The following CTNNA2 variants were observed in gnomAD, a reference collection of about 807,000 sequenced individuals.
The protein encoded by CTNNA2 is catenin alpha-2.
CTNNA2 carries 42 observed loss-of-function variants against 101.0 expected under a neutral mutation model. That is an observed-to-expected ratio of 0.42 (90% confidence interval 0.32 to 0.54). The LOEUF is 0.54. Ranked by LOEUF, CTNNA2 falls within the 20% of genes least tolerant of loss-of-function variation. The probability of loss-of-function intolerance (pLI) is 0.14; values close to 1 mark genes in which losing one functional copy is unlikely to be tolerated. For missense variants in CTNNA2, 871 were observed against 1,223.1 expected (o/e 0.71, Z 4.29); for synonymous variants, 450 against 456.4 (o/e 0.99, Z 0.18).
chr2:79,303,467 T>A (rs942777871), intron 2 of CTNNA2, among the ~76,000 whole-genome samples: 2 of 152,128 alleles, frequency 1.3e-5, no homozygotes, highest in Admixed American at 1.3e-4. Context: ...TGGTCATGTA[T>A]ATTTACAAGC....
chr2:79,646,899 G>A (rs1160980749), intron 1 of CTNNA2, among the ~76,000 whole-genome samples: 1 of 152,130 alleles, frequency 6.6e-6, no homozygotes, highest in Non-Finnish European at 1.5e-5. Context: ...TTGTAACATT[G>A]TGCTGTATGG....
At chr2:79,942,395 T>C (rs1266080723) in intron 7 of CTNNA2, among the ~76,000 whole-genome samples, 1 of 152,202 alleles carries the variant, frequency 6.6e-6, no homozygotes, top group Non-Finnish European at 1.5e-5. Context: ...CTCTTGGTGA[T>C]ATTTTAGATT....
intron 1 of CTNNA2, among the ~76,000 whole-genome samples, chr2:79,578,354 G>T (rs1446514020): frequency 1.3e-5 from 2 of 151,758 alleles, no homozygotes; most frequent in African/African-American, 4.8e-5. Context: ...TTCTTTAACG[G>T]TATATTCAGA....
chr2:79,299,724 C>G (rs940428153), intron 2 of CTNNA2, among the ~76,000 whole-genome samples: 1 of 152,186 alleles, frequency 6.6e-6, no homozygotes, highest in Non-Finnish European at 1.5e-5. Context: ...ATCAATCACA[C>G]TGAGGATTTA....
chr2:80,474,601 C>T (rs1265495525), intron 9 of CTNNA2, among the ~76,000 whole-genome samples: 3 of 152,238 alleles, frequency 2.0e-5, no homozygotes, highest in South Asian at 2.1e-4. Flanking sequence ...TCCTATCAAA[C>T]CAATAAAATG....
intron 9 of CTNNA2, among the ~76,000 whole-genome samples, chr2:80,458,171 T>A (rs997090955): frequency 6.6e-6 from 1 of 151,986 alleles, no homozygotes; most frequent in Non-Finnish European, 1.5e-5. Flanking sequence ...AACCTTCGAT[T>A]TTTTTTTAGA....
Position 80,188,514 on chromosome 2 carries a change from G to C in CTNNA2, c.1057-204697G>C, listed in dbSNP as rs891162274. ...AGTCTGGAGATTAGAAGTCCAATATGGTCTCAATGGACTAAAATAAAGATG... is the reference window on the plus strand; with the variant it reads ...AGTCTGGAGATTAGAAGTCCAATATCGTCTCAATGGACTAAAATAAAGATG... On this transcript the variant is annotated intron_variant, in intron 7 of 18. Transcript: ENST00000402739. 8.2e-4 allele frequency among the ~76,000 whole-genome samples: 125 copies of C among 152,158 alleles called. 1 individual carries two copies. The highest frequency in any genetic ancestry group is 2.5e-3 in the African/African-American group (105 of 41,528).
chr2:79,558,417 G>C (rs1397068593), intron 1 of CTNNA2, among the ~76,000 whole-genome samples: 1 of 151,954 alleles, frequency 6.6e-6, no homozygotes, highest in African/African-American at 2.4e-5. Flanking sequence ...CACTCTATCT[G>C]TTTATATGCA....
chr2:80,116,759 G>A (rs1701546379), intron 7 of CTNNA2, among the ~76,000 whole-genome samples: 1 of 152,172 alleles, frequency 6.6e-6, no homozygotes, highest in African/African-American at 2.4e-5. Flanking sequence ...TTCATGTGAG[G>A]AGAGGGTGAG....
At chr2:79,799,027 T>G (rs1675942793) in intron 3 of CTNNA2, among the ~76,000 whole-genome samples, 1 of 152,192 alleles carries the variant, frequency 6.6e-6, no homozygotes, top group Admixed American at 6.5e-5. Flanking sequence ...TCTTACTCTC[T>G]TTTGTTGTTC....
chr2:80,602,598 CAG>C (rs1697648742), intron 15 of CTNNA2, among the ~76,000 whole-genome samples: 1 of 152,022 alleles, frequency 6.6e-6, no homozygotes, highest in South Asian at 2.1e-4. Context: ...TAAACATTGA[CAG>C]ATTCTGTATC....
chr2:79,642,075 A>C (rs1386235499), intron 1 of CTNNA2, among the ~76,000 whole-genome samples: 1 of 152,190 alleles, frequency 6.6e-6, no homozygotes, highest in African/African-American at 2.4e-5. Flanking sequence ...GGGTAGAAGA[A>C]AAAGGAGATT....
intron 5 of CTNNA2, among the ~76,000 whole-genome samples, chr2:79,506,378 A>G (rs1360226674): frequency 6.6e-6 from 1 of 152,138 alleles, no homozygotes; most frequent in Non-Finnish European, 1.5e-5. Context: ...ACTTATACAA[A>G]GGAATTGTTT....
chr2:79,493,318 G>A (rs977964730), intron 4 of CTNNA2, among the ~76,000 whole-genome samples: 1 of 152,138 alleles, frequency 6.6e-6, no homozygotes, highest in African/African-American at 2.4e-5. Flanking sequence ...CTATTTACTA[G>A]TGACATAATC....
At chr2:80,503,628 T>C (rs1168014515) in intron 9 of CTNNA2, among the ~76,000 whole-genome samples, 1 of 152,186 alleles carries the variant, frequency 6.6e-6, no homozygotes, top group Non-Finnish European at 1.5e-5. Context: ...TTTAAGTTTC[T>C]GATGGGCCTT....
chr2:79,583,410 G>T (rs1304445251), intron 1 of CTNNA2, among the ~76,000 whole-genome samples: 2 of 151,642 alleles, frequency 1.3e-5, no homozygotes, highest in Non-Finnish European at 2.9e-5. Context: ...TTTTCTTTTA[G>T]TGTCATTATG....
intron 3 of CTNNA2, among the ~76,000 whole-genome samples, chr2:79,749,259 A>G (rs892227346): frequency 6.6e-6 from 1 of 152,054 alleles, no homozygotes; most frequent in South Asian, 2.1e-4. Flanking sequence ...ATTCAGATGC[A>G]TCTGCCGTAT....
intron 7 of CTNNA2, among the ~76,000 whole-genome samples, chr2:79,928,551 T>C (rs539294957): frequency 6.6e-6 from 1 of 152,334 alleles, no homozygotes; most frequent in Non-Finnish European, 1.5e-5. Flanking sequence ...TTTTGTTGAT[T>C]AAGATGAATC....
chr2:79,829,693 C>CTTATTTAT (rs144686881), intron 3 of CTNNA2, among the ~76,000 whole-genome samples: 1,893 of 144,594 alleles, frequency 0.013, 19 homozygotes, highest in East Asian at 0.027. Flanking sequence ...CTTTTTCTTT[C>CTTATTTAT]TTATTTATTT....
Sources: allele counts gnomAD v4.1 joint callset (sites outside exome capture counted in the v4.1 genomes callset), GRCh38; gene constraint gnomAD v4.1.1; transcripts MANE v1.5; gene names NCBI Gene and HGNC (gene_info 2026-07-23, HGNC 2026-07-21).